PASD1: variants seen among roughly 807,000 people sequenced by gnomAD.
PASD1 encodes the protein PAS domain containing repressor 1.
PASD1 carries 13 observed loss-of-function variants against 58.8 expected under a neutral mutation model. That is an observed-to-expected ratio of 0.22 (90% CI 0.14 to 0.35). The LOEUF is 0.35. PASD1 is among the 10% of genes least tolerant of loss of function. The pLI is 1.00. For synonymous variants in PASD1, 236 were observed against 216.7 expected (o/e 1.09, Z -0.78); for missense variants, 734 against 568.3 (o/e 1.29, Z -2.96).
At chrX:151,668,161 T>C (rs759047773) in intron 11 of PASD1, among the ~76,000 whole-genome samples, 3 of 111,640 alleles carry the variant, frequency 2.7e-5, no homozygotes, top group Non-Finnish European at 5.6e-5. Context: ...ATAGCTGTTA[T>C]CATTTTGAGA....
intron 8 of PASD1, among the ~76,000 whole-genome samples, chrX:151,639,327 A>G (rs1186137152): frequency 8.9e-6 from 1 of 112,257 alleles, no homozygotes; most frequent in Non-Finnish European, 1.9e-5. Context: ...CTCTAAACTA[A>G]TCACTCATTG....
intron 3 of PASD1, among the ~76,000 whole-genome samples, chrX:151,609,766 G>A (rs2013530951): frequency 9.3e-6 from 1 of 107,493 alleles, no homozygotes; most frequent in Non-Finnish European, 1.9e-5. Context: ...GTGAGCATAG[G>A]TGTACACATA....
chrX:151,620,875 T>A, intron 4 of PASD1, 55 bp from the exon 5 acceptor site: 1 of 921,820 alleles, frequency 1.1e-6, no homozygotes, highest in Non-Finnish European at 1.6e-6. Context: ...AAAAGTTTAC[T>A]CTCTCCCTCT....
chrX:151,594,661 C>T (rs181485331), intron 1 of PASD1, among the ~76,000 whole-genome samples: 49 of 112,030 alleles, frequency 4.4e-4, no homozygotes, highest in Non-Finnish European at 7.1e-4. Flanking sequence ...GCTTTTACAT[C>T]AATTATCTTT....
intron 1 of PASD1, among the ~76,000 whole-genome samples, chrX:151,565,920 A>G (rs368115949): frequency 1.8e-5 from 2 of 111,960 alleles, no homozygotes; most frequent in East Asian, 5.6e-4. Flanking sequence ...ATTCACAGAT[A>G]CCCAGTTTCT....
Position 151,676,120 on chromosome X carries a change from C to A in PASD1, c.2299C>A (p.Arg767Ser). ...EQTRLMPAEQ[R>S]DSNKPC The stretch of plus-strand genomic sequence containing the variant: ...GACCAGATTGATGCCTGCAGAGCAA[C>A]GTGACTCAAATAAGCCGTGCTAACA... Residue 767 changes from arginine (R) to serine (S), a missense_variant, in exon 16 of 16, where the codon CGT (arginine) becomes AGT (serine). Physicochemically the swap from Arg to Ser is moderately radical, Grantham distance 110. Transcript: ENST00000370357. 1 of 1,207,891 alleles carries A rather than the reference C, an allele frequency of 8.3e-7. No homozygotes were observed. Among genetic ancestry groups the A allele is most frequent in the Non-Finnish European group, 1.1e-6 (1 of 894,238 alleles).
chrX:151,673,198 A>G (rs2014501227), intron 14 of PASD1: 1 of 119,910 alleles, frequency 8.3e-6, no homozygotes. Flanking sequence ...GAGTGGCAAT[A>G]TAGGGACATG....
At chrX:151,582,112 G>A (rs776758001) in intron 1 of PASD1, among the ~76,000 whole-genome samples, 1 of 104,189 alleles carries the variant, frequency 9.6e-6, no homozygotes, top group African/African-American at 3.5e-5. Flanking sequence ...TCAGCCTCCC[G>A]AATAGCTGGG....
chrX:151,649,984 C>G (rs1302304896), intron 9 of PASD1, among the ~76,000 whole-genome samples: 1 of 112,266 alleles, frequency 8.9e-6, no homozygotes, highest in African/African-American at 3.2e-5. Context: ...CAAAGTATGT[C>G]TATGTGAATA....
chrX:151,672,178 T>C lies in PASD1; in HGVS notation c.1438-5T>C, dbSNP rs2014480783. ...GGTGCTTTTATCTGTTGCCTTTCGA[T>C]GCAGCAGCAACTGGTGCAGCAAGAA... is the stretch of plus-strand genomic sequence containing the variant. On this transcript the variant is annotated splice_region_variant and splice_polypyrimidine_tract_variant and intron_variant, in intron 13 of 15. Transcript: ENST00000370357. 1 of 1,145,261 alleles carries C rather than the reference T, an allele frequency of 8.7e-7. No homozygotes were observed. The highest frequency in any genetic ancestry group is 1.2e-6 in the Non-Finnish European group (1 of 865,914). The allele number at this position is 1,145,261 out of a possible 1,213,427, so 94.4% of individuals were successfully genotyped here. A position where few individuals can be genotyped will look rare whatever the true frequency, so the allele number is the denominator to read the frequency against.
intron 11 of PASD1, among the ~76,000 whole-genome samples, chrX:151,666,289 C>T (rs762616345): frequency 9.0e-6 from 1 of 110,615 alleles, no homozygotes; most frequent in Admixed American, 9.7e-5. Flanking sequence ...GGCCCGACTT[C>T]CAGCCTTGAA....
rs987865607 is a variant in PASD1, at chrX:151,648,878, G to C, written c.717+176G>C. On this transcript the variant is annotated intron_variant, in intron 9 of 15. Transcript: ENST00000370357. ...TAGGAGCCAGTAACTGCCAGACTTCGAATGGTCCCTGTAGTGCTTGAAAAA... is the reference window on the plus strand; with the variant it reads ...TAGGAGCCAGTAACTGCCAGACTTCCAATGGTCCCTGTAGTGCTTGAAAAA... 2.7e-5 allele frequency among the ~76,000 whole-genome samples: 3 copies of C among 111,810 alleles called. No individual in the cohort carries two copies. In the Admixed American group the frequency reaches 2.8e-4, roughly 11 times the overall value.
intron 13 of PASD1, 60 bp from the exon 14 acceptor site, chrX:151,672,123 A>G: frequency 9.0e-7 from 1 of 1,113,841 alleles, no homozygotes. Flanking sequence ...AGTGTTAAAT[A>G]AGTTTCTGGG....
chrX:151,630,921 G>A (rs768514571), intron 8 of PASD1, among the ~76,000 whole-genome samples: 1 of 111,961 alleles, frequency 8.9e-6, no homozygotes, highest in Non-Finnish European at 1.9e-5. Context: ...CAGGTGTACC[G>A]GAGTGGAAAG....
intron 8 of PASD1, among the ~76,000 whole-genome samples, chrX:151,631,125 T>A (rs759692743): frequency 5.3e-5 from 6 of 112,489 alleles, no homozygotes; most frequent in Admixed American, 9.4e-5. Context: ...TATCATAGCA[T>A]CATCTTTTAA....
chrX:151,571,215 C>A (rs926154449), intron 1 of PASD1, among the ~76,000 whole-genome samples: 2 of 112,252 alleles, frequency 1.8e-5, no homozygotes, highest in Non-Finnish European at 3.8e-5. Context: ...TAAAATGGAA[C>A]AAATTGAGGT....
At chrX:151,658,923 A>G (rs139713104) in intron 9 of PASD1, among the ~76,000 whole-genome samples, 1,891 of 112,358 alleles carry the variant, frequency 0.017, 40 homozygotes, top group African/African-American at 0.058. Flanking sequence ...GGATCACTCA[A>G]TAGAAATATT....
intron 2 of PASD1, among the ~76,000 whole-genome samples, chrX:151,602,126 G>A (rs1248444077): frequency 9.0e-6 from 1 of 111,520 alleles, no homozygotes. Flanking sequence ...AACTTTTTCT[G>A]ATGAGACCAC....
At chrX:151,643,350 C>T (rs1781706872) in intron 8 of PASD1, among the ~76,000 whole-genome samples, 1 of 111,365 alleles carries the variant, frequency 9.0e-6, no homozygotes, top group South Asian at 3.8e-4. Flanking sequence ...CACAAACTAC[C>T]TGGCAAAGTT....
Sources: allele counts gnomAD v4.1 joint callset (sites outside exome capture counted in the v4.1 genomes callset), GRCh38; gene constraint gnomAD v4.1.1; transcripts MANE v1.5; gene names NCBI Gene and HGNC (gene_info 2026-07-23, HGNC 2026-07-21).